The following BLTP1 variants were observed in gnomAD, a reference collection of about 807,000 sequenced individuals.
BLTP1 encodes the protein bridge-like lipid transfer protein family member 1.
the BLTP1 span, chr4:122,197,071 G>A: frequency 9.7e-6 from 6 of 619,524 alleles, no homozygotes. Flanking sequence ...TTGAACTTTT[G>A]TTCTTAGGAA....
At chr4:122,249,440 G>A in the BLTP1 span, 2 of 1,600,160 alleles carry the variant, frequency 1.2e-6, no homozygotes, top group Non-Finnish European at 1.7e-6. Flanking sequence ...TTTAATGTAA[G>A]CTTATGTCTT....
the BLTP1 span, among the ~76,000 whole-genome samples, chr4:122,252,291 T>C: frequency 6.6e-6 from 1 of 152,200 alleles, no homozygotes; most frequent in Non-Finnish European, 1.5e-5. Flanking sequence ...ATGGGGACTT[T>C]GTCTTGCACC....
chr4:122,298,284 T>C, the BLTP1 span: 69 of 854,656 alleles, frequency 8.1e-5, no homozygotes, highest in Non-Finnish European at 9.3e-5. Flanking sequence ...TCATGATGAT[T>C]CCTAAATAAC....
chr4:122,298,175 TTTA>T, the BLTP1 span: 2 of 767,240 alleles, frequency 2.6e-6, no homozygotes, highest in Non-Finnish European at 3.2e-6. Context: ...TAAAATACTA[TTTA>T]TTATTTAATT....
the BLTP1 span, among the ~76,000 whole-genome samples, chr4:122,216,675 A>G: frequency 6.6e-6 from 1 of 152,232 alleles, no homozygotes; most frequent in South Asian, 2.1e-4. Context: ...CCTTTGTCAG[A>G]TGCATAGTTT....
At chr4:122,310,916 C>G in the BLTP1 span, 1 of 940,142 alleles carries the variant, frequency 1.1e-6, no homozygotes, top group Middle Eastern at 5.4e-4. Flanking sequence ...TCCAAAAGAC[C>G]AGTATCAGCC....
At chr4:122,216,112 TATCTATC>T in the BLTP1 span, among the ~76,000 whole-genome samples, 1 of 151,618 alleles carries the variant, frequency 6.6e-6, no homozygotes, top group African/African-American at 2.4e-5. Flanking sequence ...TCTATCTATC[TATCTATC>T]TATCTATCTA....
At chr4:122,273,568 G>A in the BLTP1 span, 1 of 383,768 alleles carries the variant, frequency 2.6e-6, no homozygotes, top group Non-Finnish European at 3.6e-6. Flanking sequence ...GAGAATTAGA[G>A]AAATGGACAT....
At chr4:122,281,567 C>T in the BLTP1 span, 2 of 1,609,930 alleles carry the variant, frequency 1.2e-6, no homozygotes, top group East Asian at 4.5e-5. Context: ...TATTGCAACC[C>T]CACTACCTTC....
At chr4:122,355,142 T>C in the BLTP1 span, among the ~76,000 whole-genome samples, 1 of 152,072 alleles carries the variant, frequency 6.6e-6, no homozygotes, top group African/African-American at 2.4e-5. Flanking sequence ...AAACAGGGAT[T>C]TGGGGGAAGG....
At chr4:122,234,734 T>A in the BLTP1 span, 4 of 1,539,082 alleles carry the variant, frequency 2.6e-6, no homozygotes, top group Non-Finnish European at 3.5e-6. Flanking sequence ...TGATTTTTTT[T>A]ATGTTGTTGT....
At chr4:122,305,332 A>T in the BLTP1 span, 1 of 961,230 alleles carries the variant, frequency 1.0e-6, no homozygotes, top group Non-Finnish European at 1.2e-6. Flanking sequence ...CCTGTAGAAT[A>T]TTAGCAAGTT....
At chr4:122,316,099 C>G in the BLTP1 span, among the ~76,000 whole-genome samples, 1 of 152,100 alleles carries the variant, frequency 6.6e-6, no homozygotes, top group South Asian at 2.1e-4. Context: ...TAAAGATGTT[C>G]AAGATGAATT....
chr4:122,163,691 CTT>C, the BLTP1 span, among the ~76,000 whole-genome samples: 1 of 152,338 alleles, frequency 6.6e-6, no homozygotes, highest in African/African-American at 2.4e-5. Flanking sequence ...AGTGTCCTCA[CTT>C]TACACATGAG....
At chr4:122,309,061 T>G in the BLTP1 span, among the ~76,000 whole-genome samples, 1 of 152,092 alleles carries the variant, frequency 6.6e-6, no homozygotes, top group African/African-American at 2.4e-5. Flanking sequence ...GCCCTTTGTA[T>G]GTTAAGTAAG....
chr4:122,182,916 CCT>C, the BLTP1 span: 2 of 984,586 alleles, frequency 2.0e-6, no homozygotes, highest in East Asian at 1.1e-4. Context: ...TCAAAAACCA[CCT>C]CTTTCTTGAA....
At chr4:122,354,365 A>C in the BLTP1 span, among the ~76,000 whole-genome samples, 1 of 152,204 alleles carries the variant, frequency 6.6e-6, no homozygotes, top group African/African-American at 2.4e-5. Flanking sequence ...AGGTTGTTAC[A>C]CAACTAAATA....
chr4:122,299,763 T>TGTAG, the BLTP1 span: 1 of 980,654 alleles, frequency 1.0e-6, no homozygotes, highest in Admixed American at 6.2e-5. Context: ...TATGTATGTA[T>TGTAG]ATGGCTGTAG....
At chr4:122,171,571 C>G in the BLTP1 span, among the ~76,000 whole-genome samples, 1 of 149,550 alleles carries the variant, frequency 6.7e-6, no homozygotes, top group Non-Finnish European at 1.5e-5. Flanking sequence ...GGTTTTTATT[C>G]TTTTCCTTTT....
Sources: allele counts gnomAD v4.1 joint callset (sites outside exome capture counted in the v4.1 genomes callset), GRCh38; gene constraint gnomAD v4.1.1; transcripts MANE v1.5; gene names NCBI Gene and HGNC (gene_info 2026-07-23, HGNC 2026-07-21).